Variants in HDAC9 observed in about 807,000 individuals in gnomAD.
The protein encoded by HDAC9 is MEF-2 interacting transcription repressor (MITR) protein.
In HDAC9, 41 loss-of-function variants were observed where a neutral mutation model predicts 139.4. That is an observed-to-expected ratio of 0.29 (90% CI 0.23 to 0.38). HDAC9 has a LOEUF of 0.38. HDAC9 is among the 10% of genes least tolerant of loss of function. HDAC9 has a pLI of 1.00. For synonymous variants in HDAC9, 517 were observed against 476.2 expected, an observed-to-expected ratio of 1.09 and a Z score of -1.12; for missense variants, 1,147 against 1,297.0, an observed-to-expected ratio of 0.88 and a Z score of 1.78.
Position 18,319,051 on chromosome 7 carries a change from A to G in HDAC9, c.-42+28536A>G, listed in dbSNP as rs903088164. 5.3e-5 allele frequency among the ~76,000 whole-genome samples: 8 copies of G among 152,222 alleles called. No individual in the cohort carries two copies. The South Asian group carries it at 6.2e-4, about 12-fold the overall frequency. ...CTGTAGTGTGACAAGCACTGATACA[A>G]ACAAACGTTAAATGTTTGTTAGCGT... is the stretch of plus-strand genomic sequence containing the variant. On this transcript the variant is annotated intron_variant, in intron 1 of 3. Coordinates refer to the HDAC9 transcript ENST00000413509.
chr7:18,274,446 C>G (rs1234314768), intron 2 of HDAC9, among the ~76,000 whole-genome samples: 1 of 152,140 alleles, frequency 6.6e-6, no homozygotes, highest in Non-Finnish European at 1.5e-5. Flanking sequence ...TGAATCCATT[C>G]TTGAAAGGCC....
At chr7:18,525,264 A>G (rs1229206282) in intron 2 of HDAC9, among the ~76,000 whole-genome samples, 1 of 152,140 alleles carries the variant, frequency 6.6e-6, no homozygotes, top group African/African-American at 2.4e-5. Context: ...ATATAACACT[A>G]GAACAAATAA....
chr7:18,668,781 GT>G (rs1176640165), intron 12 of HDAC9: 1 of 982,418 alleles, frequency 1.0e-6, no homozygotes, highest in African/African-American at 1.8e-5. Flanking sequence ...TTGTTTGTAT[GT>G]TTCCCTTCTT....
chr7:18,341,216 G>T (rs1039426653), intron 1 of HDAC9, among the ~76,000 whole-genome samples: 7 of 149,366 alleles, frequency 4.7e-5, no homozygotes, highest in Non-Finnish European at 1.0e-4. Context: ...TTCATGTTTT[G>T]TGTGTGTGTG....
At chr7:18,975,485 G>T (rs931058963) in intron 24 of HDAC9, among the ~76,000 whole-genome samples, 1 of 152,228 alleles carries the variant, frequency 6.6e-6, no homozygotes, top group Non-Finnish European at 1.5e-5. Context: ...TTCCCAGGGA[G>T]CGTGAAGCCC....
At chr7:18,926,696 C>T (rs1804259250) in intron 22 of HDAC9, among the ~76,000 whole-genome samples, 1 of 152,018 alleles carries the variant, frequency 6.6e-6, no homozygotes, top group Non-Finnish European at 1.5e-5. Flanking sequence ...TCATTCTTGC[C>T]ATTTATTTTC....
At chr7:18,748,939 C>T in intron 13 of HDAC9, 66 bp from the exon 14 acceptor site, 2 of 1,422,966 alleles carry the variant, frequency 1.4e-6, no homozygotes, top group African/African-American at 1.4e-5. Flanking sequence ...ATCATATTAT[C>T]TCCTAACATG....
At chr7:18,666,720 C>G in intron 12 of HDAC9, 1 of 1,287,934 alleles carries the variant, frequency 7.8e-7, no homozygotes, top group Non-Finnish European at 9.9e-7. Flanking sequence ...TAAGGAAATA[C>G]CTGTTATACT....
intron 17 of HDAC9, among the ~76,000 whole-genome samples, chr7:18,821,674 C>G (rs1443607880): frequency 6.6e-6 from 1 of 152,190 alleles, no homozygotes; most frequent in Non-Finnish European, 1.5e-5. Context: ...GACTGGATGT[C>G]CTACAGTTTA....
chr7:18,750,890 A>G (rs534061599), intron 14 of HDAC9, among the ~76,000 whole-genome samples: 17 of 152,240 alleles, frequency 1.1e-4, no homozygotes, highest in African/African-American at 3.4e-4. Flanking sequence ...ATTTTTTCAC[A>G]TTCACGTTTG....
chr7:18,628,945 A>C (rs895998805), intron 6 of HDAC9, among the ~76,000 whole-genome samples: 7 of 152,058 alleles, frequency 4.6e-5, no homozygotes, highest in Admixed American at 1.3e-4. Flanking sequence ...ACATTCAGTT[A>C]CTCTTTTAGT....
intron 1 of HDAC9, among the ~76,000 whole-genome samples, chr7:18,352,282 G>A (rs189880023): frequency 9.0e-4 from 137 of 152,260 alleles, no homozygotes; most frequent in African/African-American, 3.2e-3. Flanking sequence ...AGCCAAAGAG[G>A]TAGCAAATAT....
intron 1 of HDAC9, among the ~76,000 whole-genome samples, chr7:18,144,217 T>G (rs957884132): frequency 6.6e-6 from 1 of 152,222 alleles, no homozygotes; most frequent in Non-Finnish European, 1.5e-5. Flanking sequence ...AAAGTCACCT[T>G]AAATACCAGC....
chr7:18,635,680 G>C (rs1374763368), intron 8 of HDAC9, among the ~76,000 whole-genome samples: 1 of 152,022 alleles, frequency 6.6e-6, no homozygotes, highest in Non-Finnish European at 1.5e-5. Flanking sequence ...AGGAGAGCTG[G>C]TGCGTTAACT....
intron 2 of HDAC9, among the ~76,000 whole-genome samples, chr7:18,260,225 T>C (rs890135750): frequency 6.6e-6 from 1 of 152,178 alleles, no homozygotes; most frequent in Non-Finnish European, 1.5e-5. Context: ...AGATGATCTA[T>C]GACCATGCTT....
chr7:18,231,922 T>G (rs1793486986), intron 2 of HDAC9, among the ~76,000 whole-genome samples: 1 of 152,176 alleles, frequency 6.6e-6, no homozygotes. Flanking sequence ...TGAAAACATG[T>G]GAAATCATAC....
At chr7:18,944,157 A>C (rs1782210356) in intron 23 of HDAC9, among the ~76,000 whole-genome samples, 1 of 152,108 alleles carries the variant, frequency 6.6e-6, no homozygotes, top group Non-Finnish European at 1.5e-5. Flanking sequence ...TCCACCACCA[A>C]TCCCTCCTCA....
chr7:18,776,652 G>T (rs1790792041), intron 16 of HDAC9, among the ~76,000 whole-genome samples: 1 of 152,046 alleles, frequency 6.6e-6, no homozygotes, highest in Non-Finnish European at 1.5e-5. Context: ...GTGGAGTCTT[G>T]TAGTGTTGGG....
chr7:18,499,586 G>A (rs913266251), intron 2 of HDAC9, among the ~76,000 whole-genome samples: 1 of 152,100 alleles, frequency 6.6e-6, no homozygotes, highest in African/African-American at 2.4e-5. Flanking sequence ...TCACTCTGCA[G>A]GAGCTGGCAG....
Sources: gnomAD v4.1 joint callset for allele counts (sites outside exome capture counted in the v4.1 genomes callset) on GRCh38, gnomAD v4.1.1 for gene constraint, MANE v1.5 for transcripts, NCBI Gene and HGNC (gene_info 2026-07-23, HGNC 2026-07-21) for gene names.